Variants in DYSF observed in about 807,000 individuals in gnomAD.
The protein encoded by DYSF is dysferlin.
Under a neutral mutation model 274.9 loss-of-function variants are expected in DYSF, and 212 were observed. The ratio of observed to expected loss-of-function variants is 0.77; its 90% CI spans 0.69 to 0.86. The LOEUF (loss-of-function observed/expected upper bound fraction) is 0.86, where lower values mean the gene tolerates loss of function less well. DYSF is among the 40% of genes least tolerant of loss of function. The pLI, the probability that DYSF is intolerant of heterozygous loss-of-function variation, is 0.00. For synonymous variants in DYSF, 1,091 were observed against 1,078.7 expected (o/e 1.01, Z -0.22); for missense variants, 2,666 against 2,783.2 (o/e 0.96, Z 0.95).
At chr2:71,616,449 G>A (rs1386883795) in intron 40 of DYSF, among the ~76,000 whole-genome samples, 1 of 151,500 alleles carries the variant, frequency 6.6e-6, no homozygotes, top group Non-Finnish European at 1.5e-5. Context: ...CAGACTAGGG[G>A]TGGGGGTGGT....
intron 6 of DYSF, 102 bp from the exon 7 acceptor site, chr2:71,513,614 C>T (rs896958630): frequency 3.5e-5 from 42 of 1,203,468 alleles, no homozygotes; most frequent in Admixed American, 3.8e-5. Context: ...AGTCTTAGGG[C>T]CCATGCCTTT....
chr2:71,562,089 G>C, intron 23 of DYSF, 145 bp downstream of exon 23: 1 of 1,107,554 alleles, frequency 9.0e-7, no homozygotes, highest in Non-Finnish European at 1.3e-6. Flanking sequence ...TAACCTCTCT[G>C]AACCTCAATG....
intron 22 of DYSF, among the ~76,000 whole-genome samples, chr2:71,557,483 G>A (rs190298009): frequency 1.7e-3 from 262 of 152,288 alleles, no homozygotes; most frequent in African/African-American, 6.1e-3. Context: ...GAGCAAGGCC[G>A]AGGGAAAGGT....
At chr2:71,481,126 C>T (rs2082848792) in intron 2 of DYSF, among the ~76,000 whole-genome samples, 188 bp downstream of exon 2, 1 of 152,164 alleles carries the variant, frequency 6.6e-6, no homozygotes. Flanking sequence ...GTGGCCTGGC[C>T]TACTAGGTAA....
At chr2:71,621,121 GT>G (rs2094088675) in intron 41 of DYSF, among the ~76,000 whole-genome samples, 1 of 152,044 alleles carries the variant, frequency 6.6e-6, no homozygotes, top group African/African-American at 2.4e-5. Context: ...GCTTGCCTGA[GT>G]GGATTCCTTA....
intron 1 of DYSF, among the ~76,000 whole-genome samples, chr2:71,473,678 C>T (rs1020232656): frequency 2.7e-4 from 41 of 152,188 alleles, no homozygotes; most frequent in African/African-American, 9.7e-4. Context: ...AGGCCCACCA[C>T]CTGTGTCCAT....
At chr2:71,530,302 G>A (rs12329322) in intron 14 of DYSF, among the ~76,000 whole-genome samples, 10,687 of 152,174 alleles carry the variant, frequency 0.07, 528 homozygotes, top group African/African-American at 0.14. Context: ...TTCTTATTTC[G>A]CATTCCCAAC....
intron 21 of DYSF, 124 bp from the exon 22 acceptor site, chr2:71,555,841 C>T (rs1039875174): frequency 1.4e-5 from 11 of 794,164 alleles, no homozygotes; most frequent in Non-Finnish European, 2.4e-5. Context: ...TGGACTCTGC[C>T]TTCTTTGCTC....
chr2:71,612,130 G>A (rs1213854767), intron 38 of DYSF, among the ~76,000 whole-genome samples: 1 of 152,232 alleles, frequency 6.6e-6, no homozygotes, highest in Non-Finnish European at 1.5e-5. Flanking sequence ...CAAGATGAAA[G>A]CGCTGTAGAA....
At chr2:71,571,432 A>ATG (rs1303740454) in intron 29 of DYSF, among the ~76,000 whole-genome samples, 12 of 96,028 alleles carry the variant, frequency 1.2e-4, no homozygotes, top group Non-Finnish European at 2.4e-4. Flanking sequence ...CAGTCAGCAC[A>ATG]CACAGATCAC....
chr2:71,666,427 A>G (rs2095010926), intron 47 of DYSF, among the ~76,000 whole-genome samples: 1 of 152,190 alleles, frequency 6.6e-6, no homozygotes, highest in African/African-American at 2.4e-5. Flanking sequence ...TGAGGCCCCT[A>G]CTGAAATGGG....
At chr2:71,665,856 C>T (rs537750202) in intron 47 of DYSF, among the ~76,000 whole-genome samples, 2 of 151,740 alleles carry the variant, frequency 1.3e-5, no homozygotes, top group South Asian at 4.2e-4. Flanking sequence ...AATCCCGCCA[C>T]ATGCTCTCCG....
At chr2:71,538,331 G>A (rs1183282625) in intron 16 of DYSF, among the ~76,000 whole-genome samples, 1 of 152,180 alleles carries the variant, frequency 6.6e-6, no homozygotes, top group African/African-American at 2.4e-5. Context: ...GGATGTGGTT[G>A]GCTAATAGGT....
rs561404093 is a variant in DYSF, at chr2:71,589,201, G to A, written c.3403-392G>A. Among the ~76,000 whole-genome samples the A allele has an allele frequency of 3.9e-5, 6 of 152,268 alleles. No homozygotes were observed. In the South Asian group the frequency reaches 8.3e-4, roughly 21 times the overall value. ...TGTTAGCAGGGGGTGGCAGAGATGG[G>A]GACCCAGAGATGCTAGCCTGGAACC... On this transcript the variant is annotated intron_variant, in intron 30 of 55. Transcript: ENST00000410020.
intron 35 of DYSF, among the ~76,000 whole-genome samples, chr2:71,602,511 T>G (rs982536365): frequency 2.6e-5 from 4 of 152,218 alleles, no homozygotes; most frequent in African/African-American, 9.6e-5. Context: ...GCGTCCAGGC[T>G]TATGCTTTAG....
chr2:71,549,451 G>T, intron 17 of DYSF: 1 of 1,546,372 alleles, frequency 6.5e-7, no homozygotes, highest in Non-Finnish European at 8.9e-7. Flanking sequence ...TTGGCTAGAG[G>T]GGCGAGGGTG....
rs1444044118 is a variant in DYSF, at chr2:71,511,788, C to A, written c.346-19C>A. 4 of 1,479,272 alleles carry A rather than the reference C, an allele frequency of 2.7e-6. No individual in the cohort carries two copies. Among genetic ancestry groups the A allele is most frequent in the African/African-American group, 2.8e-5 (2 of 70,992 alleles). The allele number at this position is 1,479,272 out of a possible 1,614,324, so 91.6% of individuals were successfully genotyped here. On this transcript the variant is annotated intron_variant, in intron 4 of 55. Coordinates refer to ENST00000410020, the MANE Select transcript of DYSF (RefSeq NM_001130987.2). ...GAGGCCAGCGCACCAACCTGTCCCCCACGTCTCATCTCTTCCAGGCCTCGC... is the reference window on the plus strand; with the variant it reads ...GAGGCCAGCGCACCAACCTGTCCCCAACGTCTCATCTCTTCCAGGCCTCGC...
At chr2:71,620,183 G>C (rs1558646147) in intron 40 of DYSF, among the ~76,000 whole-genome samples, 1 of 152,208 alleles carries the variant, frequency 6.6e-6, no homozygotes, top group African/African-American at 2.4e-5. Flanking sequence ...AGATTTTGGA[G>C]AGGGAGGGAG....
rs565532043 is a variant in DYSF at position 71,515,777 on chromosome 2, A to G, written c.888+26A>G. 7 of 1,613,932 alleles carry G rather than the reference A, an allele frequency of 4.3e-6. No individual in the cohort carries two copies. In the African/African-American group the frequency reaches 8.0e-5, roughly 18 times the overall value. ...GTGGGAGACATGGGGCATGAGGGCC[A>G]GAACCTTGGTGGGCCTTCCAATCTG... On this transcript the variant is annotated intron_variant, in intron 8 of 55. Transcript: ENST00000410020.
Sources: allele counts gnomAD v4.1 joint callset (sites outside exome capture counted in the v4.1 genomes callset), GRCh38; gene constraint gnomAD v4.1.1; transcripts MANE v1.5; gene names NCBI Gene and HGNC (gene_info 2026-07-23, HGNC 2026-07-21).